The following GABRB2 variants were observed in gnomAD, a reference collection of about 807,000 sequenced individuals.
GABRB2 encodes the protein gamma-aminobutyric acid type A receptor subunit beta2, also known as gamma-aminobutyric acid receptor subunit beta-2.
Under a neutral mutation model 54.7 loss-of-function variants are expected in GABRB2, and 16 were observed. The ratio of observed to expected loss-of-function variants is 0.29; its 90% CI spans 0.20 to 0.44. The LOEUF (loss-of-function observed/expected upper bound fraction) is 0.44. Ranked by LOEUF, GABRB2 falls within the 20% of genes least tolerant of loss-of-function variation. The pLI, the probability that GABRB2 is intolerant of heterozygous loss-of-function variation, is 1.00. For missense variants in GABRB2, 355 were observed against 644.0 expected, an observed-to-expected ratio of 0.55 and a Z score of 4.86; for synonymous variants, 244 against 233.8, an observed-to-expected ratio of 1.04 and a Z score of -0.40.
chr5:161,326,417 T>A lies in GABRB2; in HGVS notation c.1142A>T (p.Asn381Ile). ...GGTAGTCCGTCTAGTTGGGGAGAGG[T>A]TTCCAGTAGGGTCCCACAAGGATCG... Reference protein sequence around the residue: ...QYRSLWDPTGNLSPTRRTTNY... With the variant: ...QYRSLWDPTGILSPTRRTTNY... The change falls in exon 9 of 10, where the codon AAC (asparagine) becomes ATC (isoleucine). Residue 381 changes from asparagine to isoleucine, a missense_variant. Asn to Ile is a moderately radical substitution (Grantham distance 149). Transcript: ENST00000393959. 1.9e-6 allele frequency: 3 copies of A among 1,613,618 alleles called. No individual in the cohort carries two copies. The highest frequency in any genetic ancestry group is 2.5e-6 in the Non-Finnish European group (3 of 1,179,662).
chr5:161,295,459 TAA>T (rs1757356736), intron 9 of GABRB2, among the ~76,000 whole-genome samples: 1 of 152,174 alleles, frequency 6.6e-6, no homozygotes, highest in African/African-American at 2.4e-5. Context: ...TTTTCATTAA[TAA>T]GAGTATATTT....
intron 3 of GABRB2, among the ~76,000 whole-genome samples, chr5:161,501,980 C>G (rs1405431851): frequency 6.8e-6 from 1 of 147,626 alleles, no homozygotes; most frequent in African/African-American, 2.5e-5. Context: ...TTACTTTACA[C>G]ATTTTAAATT....
At chr5:161,427,829 A>G (rs570157885) in intron 4 of GABRB2, among the ~76,000 whole-genome samples, 5 of 152,220 alleles carry the variant, frequency 3.3e-5, no homozygotes, top group Non-Finnish European at 7.3e-5. Flanking sequence ...ATGCAACATT[A>G]TAAGTTGGTT....
intron 5 of GABRB2, among the ~76,000 whole-genome samples, chr5:161,374,128 G>A (rs565100280): frequency 6.6e-6 from 1 of 152,082 alleles, no homozygotes; most frequent in South Asian, 2.1e-4. Flanking sequence ...ATTTCTAGTA[G>A]AGACGGGGTT....
At chr5:161,402,638 G>A (rs1397632872) in intron 5 of GABRB2, among the ~76,000 whole-genome samples, 1 of 152,154 alleles carries the variant, frequency 6.6e-6, no homozygotes, top group African/African-American at 2.4e-5. Context: ...GGAGAGAGCC[G>A]ATCTTCCCAC....
chr5:161,327,059 C>CAG (rs1758388298), intron 8 of GABRB2: 1 of 593,390 alleles, frequency 1.7e-6, no homozygotes, highest in Non-Finnish European at 2.1e-6. Context: ...CACACACACA[C>CAG]ACACACACAC....
At chr5:161,520,581 A>T (rs558516488) in intron 3 of GABRB2, among the ~76,000 whole-genome samples, 3 of 152,058 alleles carry the variant, frequency 2.0e-5, no homozygotes, top group Non-Finnish European at 4.4e-5. Context: ...CAACTTCAAG[A>T]GATTTATTTA....
intron 5 of GABRB2, among the ~76,000 whole-genome samples, chr5:161,372,296 T>A (rs1755155581): frequency 6.6e-6 from 1 of 152,216 alleles, no homozygotes; most frequent in Non-Finnish European, 1.5e-5. Context: ...TGCCCCTGCA[T>A]GGCCAGGATC....
chr5:161,539,307 G>A (rs1476337876), intron 3 of GABRB2, among the ~76,000 whole-genome samples: 1 of 152,134 alleles, frequency 6.6e-6, no homozygotes, highest in Non-Finnish European at 1.5e-5. Flanking sequence ...TTCTGCTCAG[G>A]AGCATTCTAA....
In GABRB2 at chr5:161,292,855, C is replaced by G. The variant is rs1210038290; in HGVS notation, c.*1226G>C. On this transcript the variant is annotated 3_prime_UTR_variant, in exon 10 of 10. Transcript: ENST00000393959. Reference sequence around the variant, plus strand: ...TATAGTTCACTCAATCTCTCCAAAGCCTTACTTTGCCAGTCTCCTAAGAAT... The same window carrying G: ...TATAGTTCACTCAATCTCTCCAAAGGCTTACTTTGCCAGTCTCCTAAGAAT... The G allele has an allele frequency of 6.6e-6, 1 of 152,114 alleles. No homozygotes were observed. Among genetic ancestry groups the G allele is most frequent in the Non-Finnish European group, 1.5e-5 (1 of 68,014 alleles). 9.4% of individuals were successfully genotyped at this position (152,114 alleles called of 1,614,324 possible).
chr5:161,315,735 T>G (rs1266262308), intron 9 of GABRB2, among the ~76,000 whole-genome samples: 1 of 152,208 alleles, frequency 6.6e-6, no homozygotes, highest in Non-Finnish European at 1.5e-5. Context: ...CAATGTGTAA[T>G]TATCAAGTCA....
chr5:161,332,647 T>C (rs1368284031), intron 7 of GABRB2, among the ~76,000 whole-genome samples: 1 of 151,990 alleles, frequency 6.6e-6, no homozygotes, highest in Non-Finnish European at 1.5e-5. Flanking sequence ...AGATGGAAAG[T>C]TATAGAGTTG....
At chr5:161,435,189 A>G (rs1459537573) in intron 4 of GABRB2, among the ~76,000 whole-genome samples, 1 of 152,164 alleles carries the variant, frequency 6.6e-6, no homozygotes, top group East Asian at 1.9e-4. Context: ...TAATCAAAAA[A>G]TGGAAAATCA....
chr5:161,353,781 C>T (rs1203275178), intron 5 of GABRB2, among the ~76,000 whole-genome samples: 1 of 151,864 alleles, frequency 6.6e-6, no homozygotes, highest in Non-Finnish European at 1.5e-5. Context: ...TTGGATATTC[C>T]TTAGGATCCA....
At chr5:161,369,135 A>G (rs1755057939) in intron 5 of GABRB2, among the ~76,000 whole-genome samples, 1 of 152,162 alleles carries the variant, frequency 6.6e-6, no homozygotes, top group Non-Finnish European at 1.5e-5. Flanking sequence ...TTTAGATCTT[A>G]TTATTAGAAC....
At chr5:161,500,225 G>GTAAAC (rs992538909) in intron 3 of GABRB2, among the ~76,000 whole-genome samples, 2 of 152,152 alleles carry the variant, frequency 1.3e-5, no homozygotes, top group African/African-American at 4.8e-5. Context: ...CCTTAATTAA[G>GTAAAC]TAAACTAAGT....
At position 161,289,195 on chromosome 5, in the gene GABRB2, C is replaced by T. The variant is rs1192871635; in HGVS notation, c.*4886G>A. The T allele has an allele frequency of 7.2e-6, 1 of 139,526 alleles. No homozygotes were observed. Among genetic ancestry groups the T allele is most frequent in the African/African-American group, 2.8e-5 (1 of 36,018 alleles). 8.6% of individuals were successfully genotyped at this position (139,526 alleles called of 1,614,324 possible). On this transcript the variant is annotated 3_prime_UTR_variant, in exon 10 of 10. Coordinates refer to ENST00000393959, the MANE Select transcript of GABRB2 (RefSeq NM_001371727.1). The stretch of plus-strand genomic sequence containing the variant: ...ATATATCTACAGAAATATTTTACTT[C>T]AATTTCCAAAAACCTAGTAGCTTTT...
intron 5 of GABRB2, among the ~76,000 whole-genome samples, chr5:161,399,694 T>G (rs890662644): frequency 2.0e-5 from 3 of 152,222 alleles, no homozygotes; most frequent in Non-Finnish European, 2.9e-5. Context: ...CTAGTTTTAT[T>G]GGATTCAATT....
rs1463410710 is a variant in GABRB2 at position 161,332,384 on chromosome 5, A to G, written c.833-1257T>C. On this transcript the variant is annotated intron_variant, in intron 7 of 9. Transcript: ENST00000393959. ...AGCCCTCATGTATATGGATCGGACA[A>G]TTAGGCATATAATGCCTAGATAAAT... is the stretch of plus-strand genomic sequence containing the variant. 3.3e-5 allele frequency among the ~76,000 whole-genome samples: 5 copies of G among 152,286 alleles called. No individual in the cohort carries two copies. The South Asian group carries it at 6.2e-4, about 19-fold the overall frequency.
Sources: allele counts gnomAD v4.1 joint callset (sites outside exome capture counted in the v4.1 genomes callset), GRCh38; gene constraint gnomAD v4.1.1; transcripts MANE v1.5; gene names NCBI Gene and HGNC (gene_info 2026-07-23, HGNC 2026-07-21).